LRMDA: variants seen among roughly 807,000 people sequenced by gnomAD.
LRMDA encodes the protein leucine rich melanocyte differentiation associated.
In LRMDA, 18 loss-of-function variants were observed where a neutral mutation model predicts 29.8. The ratio of observed to expected loss-of-function variants is 0.60; its 90% CI spans 0.42 to 0.90. The LOEUF (loss-of-function observed/expected upper bound fraction) is 0.90, where lower values mean the gene tolerates loss of function less well. Among genes scored for constraint, LRMDA ranks in the 40% least tolerant of loss-of-function variants. LRMDA has a pLI of 0.00. For synonymous variants in LRMDA, 125 were observed against 109.4 expected, an observed-to-expected ratio of 1.14 and a Z score of -0.89; for missense variants, 273 against 273.9, an observed-to-expected ratio of 1.00 and a Z score of 0.02.
intron 2 of LRMDA, among the ~76,000 whole-genome samples, chr10:75,692,564 CGTGTGT>C (rs10553888): frequency 0.029 from 4,018 of 140,168 alleles, 101 homozygotes; most frequent in East Asian, 0.088. Context: ...CATATGTATA[CGTGTGT>C]GTGTGTGTGT....
At chr10:75,506,612 A>G (rs528581654) in intron 2 of LRMDA, among the ~76,000 whole-genome samples, 14 of 152,248 alleles carry the variant, frequency 9.2e-5, no homozygotes, top group South Asian at 6.2e-4. Flanking sequence ...ATGGTCCCCA[A>G]TTGGGTTGGT....
At chr10:75,940,458 A>T (rs1564612585) in intron 2 of LRMDA, among the ~76,000 whole-genome samples, 1 of 152,126 alleles carries the variant, frequency 6.6e-6, no homozygotes, top group Non-Finnish European at 1.5e-5. Context: ...TCCAAGGCTC[A>T]GGTAAAAAGC....
chr10:75,563,317 T>A (rs954438440), intron 2 of LRMDA, among the ~76,000 whole-genome samples: 1 of 152,286 alleles, frequency 6.6e-6, no homozygotes, highest in African/African-American at 2.4e-5. Context: ...TCCATTTGAT[T>A]GCATTGGCTC....
At chr10:75,722,736 T>C (rs1223792118) in intron 2 of LRMDA, among the ~76,000 whole-genome samples, 2 of 152,218 alleles carry the variant, frequency 1.3e-5, no homozygotes, top group Non-Finnish European at 2.9e-5. Context: ...AAATGGTTTC[T>C]TTGGCAGCAG....
At chr10:76,489,452 C>CA (rs1321620935) in intron 6 of LRMDA, among the ~76,000 whole-genome samples, 3 of 151,370 alleles carry the variant, frequency 2.0e-5, no homozygotes, top group Non-Finnish European at 2.9e-5. Flanking sequence ...TTTACCTTTT[C>CA]AAAAAAACAA....
chr10:76,480,981 G>A (rs181978311), intron 6 of LRMDA, among the ~76,000 whole-genome samples: 82 of 152,002 alleles, frequency 5.4e-4, no homozygotes, highest in African/African-American at 1.8e-3. Context: ...CATTTAGGGA[G>A]GTTAGAAGGG....
chr10:75,544,227 G>T (rs1175516245), intron 2 of LRMDA, among the ~76,000 whole-genome samples: 1 of 152,200 alleles, frequency 6.6e-6, no homozygotes, highest in African/African-American at 2.4e-5. Context: ...AATAGGTAGA[G>T]AAAAGATTTG....
At chr10:75,651,204 A>G (rs1403316457) in intron 2 of LRMDA, among the ~76,000 whole-genome samples, 1 of 152,160 alleles carries the variant, frequency 6.6e-6, no homozygotes, top group African/African-American at 2.4e-5. Flanking sequence ...AAGAGACAGG[A>G]TATATCCCTA....
intron 2 of LRMDA, among the ~76,000 whole-genome samples, chr10:75,591,065 T>G (rs1840719142): frequency 6.6e-6 from 1 of 152,134 alleles, no homozygotes. Flanking sequence ...TTCTATAGTT[T>G]TGTGTTTTGT....
chr10:76,167,491 C>T (rs948380545), intron 5 of LRMDA, among the ~76,000 whole-genome samples: 10 of 152,188 alleles, frequency 6.6e-5, no homozygotes, highest in Non-Finnish European at 2.9e-5. Context: ...GTTATCTCAG[C>T]ACCATTTATT....
At chr10:75,489,226 TAA>T (rs33952475) in intron 2 of LRMDA, among the ~76,000 whole-genome samples, 20 of 132,066 alleles carry the variant, frequency 1.5e-4, no homozygotes, top group African/African-American at 3.7e-4. Flanking sequence ...GGATTTTTAG[TAA>T]AAAAAAAAAA....
chr10:76,448,185 G>A (rs1453057643), intron 6 of LRMDA, among the ~76,000 whole-genome samples: 1 of 151,924 alleles, frequency 6.6e-6, no homozygotes, highest in Admixed American at 6.6e-5. Context: ...TCTATATTTT[G>A]CTTTTCACTG....
intron 5 of LRMDA, among the ~76,000 whole-genome samples, chr10:76,217,127 T>C (rs751196373): frequency 6.6e-6 from 1 of 152,168 alleles, no homozygotes; most frequent in Non-Finnish European, 1.5e-5. Context: ...AAATGTATTA[T>C]TATATACATA....
At chr10:75,464,522 T>G (rs943093108) in intron 2 of LRMDA, among the ~76,000 whole-genome samples, 40 of 152,094 alleles carry the variant, frequency 2.6e-4, no homozygotes, top group African/African-American at 9.4e-4. Flanking sequence ...AGAGGAGCAA[T>G]AAGGCTCTGT....
intron 2 of LRMDA, among the ~76,000 whole-genome samples, chr10:75,845,781 G>A (rs1284689561): frequency 1.3e-5 from 2 of 152,142 alleles, no homozygotes; most frequent in African/African-American, 2.4e-5. Flanking sequence ...AACTTGGATA[G>A]AGAGGAGAAA....
At chr10:76,145,707 C>A (rs940352438) in intron 5 of LRMDA, among the ~76,000 whole-genome samples, 2 of 151,886 alleles carry the variant, frequency 1.3e-5, no homozygotes. Context: ...CTGCTCTGAT[C>A]TTAGTTATTT....
intron 2 of LRMDA, among the ~76,000 whole-genome samples, chr10:75,907,157 T>A (rs1428098167): frequency 6.6e-6 from 1 of 152,200 alleles, no homozygotes; most frequent in East Asian, 1.9e-4. Flanking sequence ...TGCCTGTCTG[T>A]CCTTGTTAAT....
intron 6 of LRMDA, among the ~76,000 whole-genome samples, chr10:76,540,237 A>T (rs1218418655): frequency 6.6e-6 from 1 of 152,210 alleles, no homozygotes; most frequent in African/African-American, 2.4e-5. Context: ...CACAATAAAG[A>T]TGTAACTTTT....
intron 2 of LRMDA, among the ~76,000 whole-genome samples, chr10:75,557,860 G>A (rs148948319): frequency 2.4e-4 from 36 of 152,226 alleles, no homozygotes; most frequent in Middle Eastern, 3.4e-3. Flanking sequence ...TTCCATCTGC[G>A]TCCTCAAGAG....
Sources: allele counts gnomAD v4.1 joint callset (sites outside exome capture counted in the v4.1 genomes callset), GRCh38; gene constraint gnomAD v4.1.1; transcripts MANE v1.5; gene names NCBI Gene and HGNC (gene_info 2026-07-23, HGNC 2026-07-21).